Variants in MTHFD2L observed in about 807,000 individuals in gnomAD.
The protein encoded by MTHFD2L is methylenetetrahydrofolate dehydrogenase (NADP+ dependent) 2 like.
MTHFD2L carries 29 observed loss-of-function variants against 34.9 expected under a neutral mutation model. The observed-to-expected ratio is 0.83, with a 90% CI of 0.62 to 1.13. MTHFD2L has a LOEUF of 1.13. MTHFD2L is among the 50% of genes most tolerant of loss of function. The pLI, the probability that MTHFD2L is intolerant of heterozygous loss-of-function variation, is 0.00. For synonymous variants in MTHFD2L, 167 were observed against 155.7 expected (o/e 1.07, Z -0.54); for missense variants, 481 against 446.5 (o/e 1.08, Z -0.70).
chr4:74,138,118 C>T (rs543354765), intron 1 of MTHFD2L, among the ~76,000 whole-genome samples: 2 of 151,218 alleles, frequency 1.3e-5, no homozygotes, highest in South Asian at 4.2e-4. Flanking sequence ...TAAGTAAATT[C>T]GGCCTTACCT....
chr4:74,161,558 T>TA (rs1358468646), intron 1 of MTHFD2L: 5 of 152,228 alleles, frequency 3.3e-5, no homozygotes, highest in Admixed American at 2.6e-4. Flanking sequence ...TCTCATATCT[T>TA]AAGTTTTATT....
At chr4:74,143,280 C>T (rs1338506660) in intron 1 of MTHFD2L, 8 of 343,976 alleles carry the variant, frequency 2.3e-5, no homozygotes, top group Non-Finnish European at 2.5e-5. Context: ...GCCTTCAGAA[C>T]GATCTGGCTA....
At chr4:74,274,094 C>G (rs1285426345) in intron 6 of MTHFD2L, among the ~76,000 whole-genome samples, 2 of 151,964 alleles carry the variant, frequency 1.3e-5, no homozygotes, top group Non-Finnish European at 2.9e-5. Context: ...TCAAGTGATA[C>G]ACCTCCTTCA....
chr4:74,252,060 G>T (rs1378481942), intron 6 of MTHFD2L, among the ~76,000 whole-genome samples: 2 of 152,224 alleles, frequency 1.3e-5, no homozygotes, highest in Non-Finnish European at 2.9e-5. Flanking sequence ...ATAGCTGAGA[G>T]CCATGTCTGC....
At chr4:74,227,344 C>T (rs1477232239) in intron 6 of MTHFD2L, among the ~76,000 whole-genome samples, 1 of 151,880 alleles carries the variant, frequency 6.6e-6, no homozygotes, top group Non-Finnish European at 1.5e-5. Flanking sequence ...TTTCTAATCT[C>T]TAAGAGCTGC....
At chr4:74,156,082 T>C (rs1380277166), upstream of MTHFD2L, among the ~76,000 whole-genome samples, 3 of 148,908 alleles carry the variant, frequency 2.0e-5, no homozygotes, top group African/African-American at 7.8e-5. Flanking sequence ...CCAATGTGAA[T>C]AATATTTTTT....
At chr4:74,210,409 G>A (rs537764945) in intron 5 of MTHFD2L, among the ~76,000 whole-genome samples, 1 of 152,212 alleles carries the variant, frequency 6.6e-6, no homozygotes, top group South Asian at 2.1e-4. Context: ...TCTGCATATG[G>A]CTAGCCAGTT....
intron 6 of MTHFD2L, among the ~76,000 whole-genome samples, chr4:74,228,817 G>T (rs1469684000): frequency 6.6e-6 from 1 of 152,200 alleles, no homozygotes; most frequent in East Asian, 1.9e-4. Flanking sequence ...GGAGCCAGGA[G>T]GTACTCAAGC....
chr4:74,144,259 C>A (rs530639105), intron 1 of MTHFD2L, among the ~76,000 whole-genome samples: 43 of 152,128 alleles, frequency 2.8e-4, no homozygotes, highest in African/African-American at 7.7e-4. Flanking sequence ...TCGAGACCAG[C>A]CTGACCAATA....
chr4:74,117,830 C>A (rs1432433379), intron 2 of MTHFD2L, among the ~76,000 whole-genome samples: 2 of 152,120 alleles, frequency 1.3e-5, no homozygotes, highest in Admixed American at 1.3e-4. Flanking sequence ...TATGCTCAAC[C>A]CTAATTCTCA....
chr4:74,301,502 C>T (rs1056389141), intron 7 of MTHFD2L, among the ~76,000 whole-genome samples, 195 bp from the exon 8 acceptor site: 9 of 151,502 alleles, frequency 5.9e-5, no homozygotes, highest in South Asian at 2.1e-4. Context: ...AGATATCATC[C>T]ACAGAAGTAT....
intron 6 of MTHFD2L, among the ~76,000 whole-genome samples, chr4:74,247,060 T>G (rs1203345483): frequency 2.0e-5 from 3 of 147,836 alleles, no homozygotes; most frequent in South Asian, 4.5e-4. Context: ...ATCTATAAAT[T>G]ACCTTGGGCA....
rs1578347696 is a variant in MTHFD2L at position 74,174,653 on chromosome 4, A to G, written c.291A>G (p.Thr97=). 5 of 1,580,634 alleles carry G rather than the reference A, an allele frequency of 3.2e-6. No individual in the cohort carries two copies. Among genetic ancestry groups the G allele is most frequent in the African/African-American group, 1.4e-5 (1 of 72,948 alleles). ...TGGGAGATAACCCAGCAAGCCATAC[A>G]TATGTCAGGAATAAGATAAGAGCTG... ...ILVGDNPASH[T]YVRNKIRAAS... Residue 97 remains threonine (T), a synonymous_variant, in exon 2 of 8, where the codon ACA becomes ACG. Coordinates refer to ENST00000325278, the MANE Select transcript of MTHFD2L (RefSeq NM_001144978.3).
chr4:74,235,002 C>G (rs1740641765), intron 6 of MTHFD2L, among the ~76,000 whole-genome samples: 1 of 151,978 alleles, frequency 6.6e-6, no homozygotes, highest in Non-Finnish European at 1.5e-5. Flanking sequence ...CTTCTGGCAG[C>G]TTAGAGCTAT....
intron 5 of MTHFD2L, chr4:74,224,237 G>A (rs1738765323): frequency 6.6e-6 from 1 of 152,052 alleles, no homozygotes; most frequent in Admixed American, 6.6e-5. Context: ...AATTAGGAAA[G>A]CTATATTTTT....
At chr4:74,193,682 G>A (rs1161160577) in intron 3 of MTHFD2L, among the ~76,000 whole-genome samples, 1 of 152,100 alleles carries the variant, frequency 6.6e-6, no homozygotes, top group African/African-American at 2.4e-5. Flanking sequence ...TGATTTGTCA[G>A]CTATTGTAAA....
intron 6 of MTHFD2L, among the ~76,000 whole-genome samples, chr4:74,264,768 T>G (rs148585107): frequency 6.6e-6 from 1 of 152,118 alleles, no homozygotes; most frequent in Non-Finnish European, 1.5e-5. Flanking sequence ...AGCGTTAATA[T>G]TAATGGATTT....
chr4:74,187,132 A>C (rs1731439365), intron 3 of MTHFD2L, among the ~76,000 whole-genome samples: 1 of 152,216 alleles, frequency 6.6e-6, no homozygotes, highest in African/African-American at 2.4e-5. Flanking sequence ...TCTAGAAAAG[A>C]AATGCTAGAA....
At chr4:74,226,666 G>T (rs777814029) in intron 6 of MTHFD2L, among the ~76,000 whole-genome samples, 8 of 152,026 alleles carry the variant, frequency 5.3e-5, no homozygotes, top group South Asian at 2.1e-4. Context: ...CTTTTGAATA[G>T]CAAAGATAGT....
Sources: gnomAD v4.1 joint callset for allele counts (sites outside exome capture counted in the v4.1 genomes callset) on GRCh38, gnomAD v4.1.1 for gene constraint, MANE v1.5 for transcripts, NCBI Gene and HGNC (gene_info 2026-07-23, HGNC 2026-07-21) for gene names.